Variants in SAMD9 observed in about 807,000 individuals in gnomAD.
The protein encoded by SAMD9 is sterile alpha motif domain-containing protein 9.
A neutral mutation model predicts 1.5 loss-of-function variants in SAMD9; 3 were observed. That is an observed-to-expected ratio of 2.05 (90% CI 0.93 to 5.29). SAMD9 has a LOEUF of 5.29. Ranked by LOEUF, SAMD9 falls within the 30% of genes most tolerant of loss-of-function variation. The pLI is 0.02. For synonymous variants in SAMD9, 635 were observed against 631.9 expected, an observed-to-expected ratio of 1.00 and a Z score of -0.07; for missense variants, 1,597 against 1,820.8, an observed-to-expected ratio of 0.88 and a Z score of 2.24.
At chr7:93,106,211 A>C in intron 2 of SAMD9, 106 bp from the exon 3 acceptor site, 1 of 646,882 alleles carries the variant, frequency 1.5e-6, no homozygotes, top group South Asian at 3.4e-5. Context: ...AAAGCTCAAA[A>C]GGATATGCCA....
chr7:93,107,571 C>T (rs1436139561), intron 2 of SAMD9, among the ~76,000 whole-genome samples: 1 of 152,050 alleles, frequency 6.6e-6, no homozygotes, highest in African/African-American at 2.4e-5. Flanking sequence ...TCATGGGAGA[C>T]ATCAAATTAA....
At chr7:93,114,765 T>C (rs1791807215) in intron 2 of SAMD9, 30 bp downstream of exon 2, 1 of 152,194 alleles carries the variant, frequency 6.6e-6, no homozygotes, top group Non-Finnish European at 1.5e-5. Context: ...CTGAGATTAA[T>C]TGAGCAAATT....
rs774358450 is a variant in SAMD9 at position 93,103,707 on chromosome 7, A to G, written c.2391T>C (p.Leu797=). 26 of 1,613,764 alleles carry G rather than the reference A, an allele frequency of 1.6e-5. No individual in the cohort carries two copies. The highest frequency in any genetic ancestry group is 1.9e-5 in the Non-Finnish European group (22 of 1,179,768). ...NRQEYVPVLL[L]VDDFEEQDNV... is the part of the protein sequence containing the mutation. ...TATCTTGTTCTTCAAAATCATCAAC[A>G]AGGAGTAGTACAGGTACGTATTCCT... is the stretch of plus-strand genomic sequence containing the variant. The change falls in exon 3 of 3, where the codon CTT becomes CTC. Residue 797 remains leucine (L), a synonymous_variant. Coordinates refer to ENST00000379958, the MANE Select transcript of SAMD9 (RefSeq NM_017654.4).
At chr7:93,112,564 C>T (rs1791763746) in intron 2 of SAMD9, among the ~76,000 whole-genome samples, 1 of 152,214 alleles carries the variant, frequency 6.6e-6, no homozygotes, top group African/African-American at 2.4e-5. Context: ...ACCCCATCGT[C>T]TCAGCCCAAA....
intron 2 of SAMD9, among the ~76,000 whole-genome samples, chr7:93,110,327 AAT>A (rs1791719574): frequency 1.3e-5 from 2 of 152,190 alleles, no homozygotes; most frequent in African/African-American, 2.4e-5. Flanking sequence ...TGGAAAGGAA[AAT>A]CCGGTACCAG....
chr7:93,103,395 G>T lies in SAMD9; in HGVS notation c.2703C>A (p.Val901=). ...NFNKEYIENV[V]RNILKGQNIF... is the part of the protein sequence containing the mutation. Reference sequence around the variant, plus strand: ...TATTCTGCCCTTTCAGGATATTCCGGACCACATTTTCTATGTATTCTTTAT... The same window carrying T: ...TATTCTGCCCTTTCAGGATATTCCGTACCACATTTTCTATGTATTCTTTAT... The change falls in exon 3 of 3, where the codon GTC becomes GTA. Residue 901 remains valine, a synonymous_variant. Coordinates refer to ENST00000379958, the MANE Select transcript of SAMD9 (RefSeq NM_017654.4). 6.2e-7 allele frequency: 1 copy of T among 1,613,348 alleles called. No homozygotes were observed. Among genetic ancestry groups the T allele is most frequent in the East Asian group, 2.2e-5 (1 of 44,856 alleles).
In SAMD9 at chr7:93,102,403, A is replaced by G. The variant is rs1173660476; in HGVS notation, c.3695T>C (p.Val1232Ala). ...CCCTGGAATATCACTACTTCCTGATACAAAATTGACCATATATCTTTTAGA... is the reference window on the plus strand; with the variant it reads ...CCCTGGAATATCACTACTTCCTGATGCAAAATTGACCATATATCTTTTAGA... Reference protein sequence around the residue: ...ELSKRYMVNFVSGSSDIPGDP... With the variant: ...ELSKRYMVNFASGSSDIPGDP... Residue 1232 changes from valine (V) to alanine (A), a missense_variant, in exon 3 of 3, where the codon GTA (valine) becomes GCA (alanine). Transcript: ENST00000379958. 7 of 1,611,638 alleles carry G rather than the reference A, an allele frequency of 4.3e-6. No homozygotes were observed. Among genetic ancestry groups the G allele is most frequent in the Non-Finnish European group, 5.9e-6 (7 of 1,178,086 alleles).
intron 2 of SAMD9, among the ~76,000 whole-genome samples, chr7:93,109,534 C>A (rs1191941936): frequency 6.6e-6 from 1 of 152,148 alleles, no homozygotes. Flanking sequence ...TGTTTGAACC[C>A]ATTGCAAAGA....
intron 2 of SAMD9, among the ~76,000 whole-genome samples, chr7:93,110,695 A>T (rs1269433398): frequency 5.9e-5 from 9 of 152,252 alleles, no homozygotes; most frequent in Admixed American, 5.9e-4. Flanking sequence ...AACAAGGATC[A>T]AAAGAGACAA....
rs1191502162 is a variant in SAMD9, at chr7:93,105,813, A to C, written c.285T>G (p.Ala95=). 6.2e-6 allele frequency: 10 copies of C among 1,614,142 alleles called. No individual in the cohort carries two copies. The highest frequency in any genetic ancestry group is 8.5e-6 in the Non-Finnish European group (10 of 1,180,018). ...TSKMGKPSKN[A]PKDQTVSQKE... ...TTTGAGACACAGTTTGGTCTTTAGG[A>C]GCATTTTTACTGGGCTTTCCCATCT... Residue 95 remains alanine, a synonymous_variant, in exon 3 of 3, where the codon GCT becomes GCG. Coordinates refer to ENST00000379958, the MANE Select transcript of SAMD9 (RefSeq NM_017654.4).
Position 93,105,674 on chromosome 7 carries a change from G to A in SAMD9, c.424C>T (p.Leu142Phe), listed in dbSNP as rs1791627042. ...AKGSKSLKVE[L>F]IEDKIDYTKE... ...GTATAATCTATTTTATCTTCTATGA[G>A]CTCAACTTTTAGTGACTTAGAACCT... Residue 142 changes from leucine (L) to phenylalanine (F), a missense_variant, in exon 3 of 3, where the codon CTC becomes TTC. Physicochemically the swap from Leu to Phe is conservative, Grantham distance 22. Coordinates refer to ENST00000379958, the MANE Select transcript of SAMD9 (RefSeq NM_017654.4). 1.9e-6 allele frequency: 3 copies of A among 1,613,926 alleles called. No individual in the cohort carries two copies. Among genetic ancestry groups the A allele is most frequent in the African/African-American group, 2.7e-5 (2 of 74,896 alleles).
chr7:93,112,140 G>A (rs1791755908), intron 2 of SAMD9, among the ~76,000 whole-genome samples: 2 of 152,160 alleles, frequency 1.3e-5, no homozygotes, highest in Admixed American at 1.3e-4. Flanking sequence ...GGGATGCAAG[G>A]CTGGTTCAAC....
intron 2 of SAMD9, among the ~76,000 whole-genome samples, chr7:93,112,195 A>T (rs1366341591): frequency 6.6e-6 from 1 of 152,196 alleles, no homozygotes; most frequent in Non-Finnish European, 1.5e-5. Context: ...ACAGAACCAA[A>T]GACAAAAACC....
rs1356664514 is a variant in SAMD9, at chr7:93,101,215, C to T, written c.*113G>A. The T allele has an allele frequency of 3.6e-5, 29 of 808,236 alleles. No individual in the cohort carries two copies. Among genetic ancestry groups the T allele is most frequent in the Non-Finnish European group, 5.4e-5 (25 of 463,944 alleles). The allele number at this position is 808,236 out of a possible 1,614,324, so 50.1% of individuals were successfully genotyped here. A position where few individuals can be genotyped will look rare whatever the true frequency, so the allele number is the denominator to read the frequency against. On this transcript the variant is annotated 3_prime_UTR_variant, in exon 3 of 3. Transcript: ENST00000379958. ...GAAATTAAATACTGCATGTACAGATCTGAAGAGCTAGAGGCTGTATCTATA... is the reference window on the plus strand; with the variant it reads ...GAAATTAAATACTGCATGTACAGATTTGAAGAGCTAGAGGCTGTATCTATA...
rs911063776 is a variant in SAMD9, at chr7:93,104,056, T to G, written c.2042A>C (p.Glu681Ala). ...CACTTTGCCACCTCGATAGAAGTCT[T>G]CCTCTTTTGATGCCTTGAATTCAAG... is the stretch of plus-strand genomic sequence containing the variant. The part of the protein sequence containing the change: ...KFLEFKASKE[E>A]DFYRGGKVSW... Residue 681 changes from glutamate to alanine, a missense_variant, in exon 3 of 3, where the codon GAA (glutamate) becomes GCA (alanine). This residue lies in a region of SAMD9 where 358 missense variants were observed against 460.4 expected (regional missense o/e 0.78). Transcript: ENST00000379958. 1.2e-6 allele frequency: 2 copies of G among 1,614,000 alleles called. No homozygotes were observed. Among genetic ancestry groups the G allele is most frequent in the Non-Finnish European group, 1.7e-6 (2 of 1,179,882 alleles).
rs577143330 is a variant in SAMD9, at chr7:93,109,299, A to G, written c.-8-3194T>C. ...ACATCCACACCAAAACCCCATCTGT[A>G]CGTCACCATCATCAAAGACCAAAGG... On this transcript the variant is annotated intron_variant, in intron 2 of 2. Coordinates refer to ENST00000379958, the MANE Select transcript of SAMD9 (RefSeq NM_017654.4). Among the ~76,000 whole-genome samples the G allele has an allele frequency of 3.0e-4, 46 of 152,332 alleles. No homozygotes were observed. The South Asian group carries it at 9.5e-3, about 32-fold the overall frequency.
Position 93,105,569 on chromosome 7 carries a change from A to G in SAMD9, c.529T>C (p.Leu177=), listed in dbSNP as rs372273149. 18 of 1,614,080 alleles carry G rather than the reference A, an allele frequency of 1.1e-5. No homozygotes were observed. The highest frequency in any genetic ancestry group is 6.7e-5 in the African/African-American group (5 of 75,026). ...GTTTCAGGCTGTAGACTAAAATCCA[A>G]CTTGTAACGATATGGATTACTGAAT... The part of the protein sequence containing the change: ...DEFSNPYRYK[L]DFSLQPETGP... Residue 177 remains leucine, a synonymous_variant, in exon 3 of 3, where the codon TTG becomes CTG. Transcript: ENST00000379958.
intron 2 of SAMD9, among the ~76,000 whole-genome samples, chr7:93,113,563 G>T (rs142359584): frequency 0.017 from 2,527 of 152,242 alleles, 34 homozygotes; most frequent in Middle Eastern, 0.037. Flanking sequence ...ATCTGACAAA[G>T]GGCTAATATC....
rs1562773607 is a variant in SAMD9, at chr7:93,101,602, T to TC, written c.4495dup (p.Asp1499GlyfsTer5). On this transcript the variant is annotated frameshift_variant, in exon 3 of 3. Transcript: ENST00000379958. LOFTEE classifies it low-confidence loss of function (END_TRUNC). The stretch of plus-strand genomic sequence containing the variant: ...ATCTGGTGTCTTCTTAAAGCACTGG[T>TC]CAATTTTTCCTTTGTGAACAAGTCT... The TC allele has an allele frequency of 8.1e-6, 13 of 1,613,804 alleles. No homozygotes were observed. The highest frequency in any genetic ancestry group is 1.3e-5 in the African/African-American group (1 of 74,924).
Sources: allele counts gnomAD v4.1 joint callset (sites outside exome capture counted in the v4.1 genomes callset), GRCh38; gene constraint gnomAD v4.1.1; regional missense constraint gnomAD v4.1.1; transcripts MANE v1.5; gene names NCBI Gene and HGNC (gene_info 2026-07-23, HGNC 2026-07-21).